The following LIPC variants were observed in gnomAD, a reference collection of about 807,000 sequenced individuals.
LIPC encodes the protein lipase C, hepatic type.
LIPC carries 44 observed loss-of-function variants against 50.7 expected under a neutral mutation model. That is an observed-to-expected ratio of 0.87 (90% CI 0.68 to 1.11). LIPC has a LOEUF of 1.11. LIPC is among the 50% of genes most tolerant of loss of function. LIPC has a pLI of 0.00. For synonymous variants in LIPC, 271 were observed against 256.4 expected, an observed-to-expected ratio of 1.06 and a Z score of -0.54; for missense variants, 697 against 648.2, an observed-to-expected ratio of 1.08 and a Z score of -0.82.
At chr15:58,485,160 T>G (rs75817136) in intron 1 of LIPC, among the ~76,000 whole-genome samples, 5 of 152,078 alleles carry the variant, frequency 3.3e-5, no homozygotes, top group African/African-American at 1.2e-4. Context: ...TGGGCTGACA[T>G]GTAGAATGCA....
rs183276229 is a variant in LIPC, at chr15:58,450,707, G to C, written c.88+18587G>C. Among the ~76,000 whole-genome samples the C allele has an allele frequency of 3.0e-3, 458 of 152,274 alleles. 4 individuals carry two copies. The highest frequency in any genetic ancestry group is 7.2e-4 in the Non-Finnish European group (49 of 68,022). ...TAGGTACTAGGAAGGTCAAGGTACT[G>C]AGTAGGTCACAGTCTTGCCACCGGG... is the stretch of plus-strand genomic sequence containing the variant. On this transcript the variant is annotated intron_variant, in intron 1 of 8. Coordinates refer to ENST00000299022, the MANE Select transcript of LIPC (RefSeq NM_000236.3).
At chr15:58,492,601 T>C (rs1869139) in intron 1 of LIPC, among the ~76,000 whole-genome samples, 150,346 of 152,302 alleles carry the variant, frequency 0.99, 74,248 homozygotes, top group Middle Eastern at 1. Context: ...GGCCCATTCT[T>C]TTAGCTCTGT....
intron 1 of LIPC, among the ~76,000 whole-genome samples, chr15:58,472,576 C>CA (rs34483233): frequency 0.062 from 7,569 of 122,534 alleles, 600 homozygotes; most frequent in African/African-American, 0.2. Context: ...ACTCTTGTCT[C>CA]AAAAAAAAAA....
At chr15:58,536,653 T>G (rs1305682992) in intron 1 of LIPC, among the ~76,000 whole-genome samples, 1 of 152,138 alleles carries the variant, frequency 6.6e-6, no homozygotes, top group Non-Finnish European at 1.5e-5. Flanking sequence ...GAAGCAGGCT[T>G]CCAGGAGTGA....
At position 58,541,910 on chromosome 15, in the gene LIPC, C is replaced by G; in HGVS notation, c.399C>G (p.Ala133=). The stretch of plus-strand genomic sequence containing the variant: ...TGGCCCACGACCACTACACCATCGC[C>G]GTCCGCAACACCCGCCTTGTGGGCA... ...ITLAHDHYTI[A]VRNTRLVGKE... is the part of the protein sequence containing the mutation. The change falls in exon 3 of 9, where the codon GCC becomes GCG. Residue 133 remains alanine (A), a synonymous_variant. Coordinates refer to ENST00000299022, the MANE Select transcript of LIPC (RefSeq NM_000236.3). The G allele has an allele frequency of 6.2e-7, 1 of 1,611,910 alleles. No homozygotes were observed. Among genetic ancestry groups the G allele is most frequent in the Non-Finnish European group, 8.5e-7 (1 of 1,179,942 alleles).
At chr15:58,510,810 A>G (rs1367641912) in intron 1 of LIPC, among the ~76,000 whole-genome samples, 1 of 152,278 alleles carries the variant, frequency 6.6e-6, no homozygotes, top group East Asian at 1.9e-4. Context: ...ATAATAAACA[A>G]GTAAGCAAAA....
At chr15:58,479,894 A>G (rs1395301119) in intron 1 of LIPC, among the ~76,000 whole-genome samples, 1 of 152,208 alleles carries the variant, frequency 6.6e-6, no homozygotes, top group African/African-American at 2.4e-5. Context: ...CTAGCTAGTC[A>G]TTTAGGCTCC....
chr15:58,462,073 G>T (rs183379167), intron 1 of LIPC, among the ~76,000 whole-genome samples: 1 of 152,160 alleles, frequency 6.6e-6, no homozygotes, highest in African/African-American at 2.4e-5. Context: ...ACCCCTCTGT[G>T]TCCAAGTGAG....
At chr15:58,551,177 G>T (rs1250948314) in intron 6 of LIPC, among the ~76,000 whole-genome samples, 1 of 151,756 alleles carries the variant, frequency 6.6e-6, no homozygotes, top group African/African-American at 2.4e-5. Context: ...ATTCTCCCCA[G>T]TTCTCCTGCA....
At chr15:58,479,705 T>C (rs535263640) in intron 1 of LIPC, among the ~76,000 whole-genome samples, 1 of 152,368 alleles carries the variant, frequency 6.6e-6, no homozygotes, top group Admixed American at 6.5e-5. Context: ...GGTATGTGGC[T>C]TGGACGATTA....
chr15:58,563,201 G>T (rs1894228338), intron 7 of LIPC, among the ~76,000 whole-genome samples: 1 of 152,156 alleles, frequency 6.6e-6, no homozygotes, highest in Non-Finnish European at 1.5e-5. Flanking sequence ...CTCCACAGCG[G>T]CTTCTTCCTA....
chr15:58,477,563 A>G (rs17190587), intron 1 of LIPC, among the ~76,000 whole-genome samples: 13,503 of 152,240 alleles, frequency 0.089, 754 homozygotes, highest in Non-Finnish European at 0.13. Context: ...ACACAGAGGA[A>G]AATGAAAGGG....
intron 6 of LIPC, among the ~76,000 whole-genome samples, chr15:58,559,374 G>A: frequency 6.6e-6 from 1 of 152,192 alleles, no homozygotes; most frequent in East Asian, 1.9e-4. Flanking sequence ...GCAAGGCACT[G>A]TTAGGATTCG....
chr15:58,567,792 T>C (rs1894441701), intron 8 of LIPC, among the ~76,000 whole-genome samples: 1 of 152,144 alleles, frequency 6.6e-6, no homozygotes, highest in Non-Finnish European at 1.5e-5. Flanking sequence ...TGCCACTCAA[T>C]ATATGTAAAT....
At chr15:58,491,615 G>A (rs1272056445) in intron 1 of LIPC, among the ~76,000 whole-genome samples, 5 of 152,188 alleles carry the variant, frequency 3.3e-5, no homozygotes, top group Admixed American at 2.0e-4. Context: ...CTGGTGCCAG[G>A]TGCTGGGCAA....
rs1471378931 is a variant in LIPC, at chr15:58,493,481, AT to A, written c.89-44845del. ...CATTCACAATTTAAAATATATATAT[AT>A]TTTTTTGTGTATATATACATATATA... is the stretch of plus-strand genomic sequence containing the variant. On this transcript the variant is annotated intron_variant, in intron 1 of 8. Coordinates refer to ENST00000299022, the MANE Select transcript of LIPC (RefSeq NM_000236.3). 5.5e-5 allele frequency among the ~76,000 whole-genome samples: 5 copies of A among 91,528 alleles called. 1 individual carries two copies. Among genetic ancestry groups the A allele is most frequent in the Non-Finnish European group, 1.4e-4 (5 of 36,712 alleles). 60.0% of individuals were successfully genotyped at this position (91,528 alleles called of 152,430 possible).
At position 58,432,215 on chromosome 15, in the gene LIPC, G is replaced by C. The variant is rs575302079; in HGVS notation, c.88+95G>C. The C allele has an allele frequency of 3.9e-4, 379 of 968,004 alleles. 4 individuals carry two copies. In the South Asian group the frequency reaches 4.6e-3, roughly 12 times the overall value. 60.0% of individuals were successfully genotyped at this position (968,004 alleles called of 1,614,324 possible). On this transcript the variant is annotated intron_variant, in intron 1 of 8. Transcript: ENST00000299022. ...CAGGGGTTTCTGACTGTATGGGACA[G>C]AGCTTGCTTCAGAGCGTGCCAGGTG... is the stretch of plus-strand genomic sequence containing the variant.
At chr15:58,447,099 A>C (rs1893723136) in intron 1 of LIPC, among the ~76,000 whole-genome samples, 1 of 134,716 alleles carries the variant, frequency 7.4e-6, no homozygotes, top group South Asian at 2.5e-4. Context: ...CAGTGAGCCG[A>C]GATTGCGCCA....
chr15:58,538,260 G>C (rs1893202734), intron 1 of LIPC, 73 bp from the exon 2 acceptor site: 1 of 1,437,712 alleles, frequency 7.0e-7, no homozygotes, highest in Non-Finnish European at 9.8e-7. Context: ...TGTAGAAGCA[G>C]CCTTTGAGAA....
Sources: gnomAD v4.1 joint callset for allele counts (sites outside exome capture counted in the v4.1 genomes callset) on GRCh38, gnomAD v4.1.1 for gene constraint, MANE v1.5 for transcripts, NCBI Gene and HGNC (gene_info 2026-07-23, HGNC 2026-07-21) for gene names.